The following GPHN variants were observed in gnomAD, a reference collection of about 807,000 sequenced individuals.
GPHN encodes the protein gephyrin.
In GPHN, 17 loss-of-function variants were observed where a neutral mutation model predicts 95.5. The ratio of observed to expected loss-of-function variants is 0.18; its 90% confidence interval spans 0.12 to 0.27. The LOEUF (loss-of-function observed/expected upper bound fraction) is 0.27. Among genes scored for constraint, GPHN ranks in the 10% least tolerant of loss-of-function variants. The pLI, the probability that GPHN is intolerant of heterozygous loss-of-function variation, is 1.00. For missense variants in GPHN, 660 were observed against 978.1 expected, an observed-to-expected ratio of 0.67 and a Z score of 4.34; for synonymous variants, 320 against 322.5, an observed-to-expected ratio of 0.99 and a Z score of 0.08.
chr14:66,512,380 C>T (rs2058072452), intron 1 of GPHN, among the ~76,000 whole-genome samples: 1 of 151,744 alleles, frequency 6.6e-6, no homozygotes, highest in South Asian at 2.1e-4. Context: ...AATGTAGAAT[C>T]ATATAGATTA....
Position 67,112,929 on chromosome 14 carries a change from A to G in GPHN, c.1473-89A>G, listed in dbSNP as rs2078461458. On this transcript the variant is annotated intron_variant, in intron 15 of 22. Coordinates refer to ENST00000478722, the MANE Select transcript of GPHN (RefSeq NM_020806.5). ...TTTCTAGACTTTTTTGTCTTCTTGA[A>G]TGTCCTTTTTTGACACTAAAGTTTC... 3.5e-6 allele frequency: 4 copies of G among 1,154,944 alleles called. No homozygotes were observed. In the Admixed American group the frequency reaches 7.0e-5, roughly 20 times the overall value. The allele number at this position is 1,154,944 out of a possible 1,614,324, so 71.5% of individuals were successfully genotyped here. A position where few individuals can be genotyped will look rare whatever the true frequency, so the allele number is the denominator to read the frequency against.
At chr14:66,520,646 T>C (rs776351586) in intron 1 of GPHN, among the ~76,000 whole-genome samples, 2 of 152,090 alleles carry the variant, frequency 1.3e-5, no homozygotes, top group African/African-American at 2.4e-5. Context: ...TGAGAAGTTA[T>C]AGTAATAGTT....
At chr14:67,310,451 G>A in the GPHN span, among the ~76,000 whole-genome samples, 1 of 152,168 alleles carries the variant, frequency 6.6e-6, no homozygotes, top group Non-Finnish European at 1.5e-5. Context: ...TATCCTTGGA[G>A]GGGATGGGAT....
chr14:67,106,207 T>C (rs2078032134), intron 13 of GPHN, among the ~76,000 whole-genome samples: 1 of 152,192 alleles, frequency 6.6e-6, no homozygotes, highest in African/African-American at 2.4e-5. Context: ...TTTCAGCACT[T>C]TGAAGATGTT....
intron 2 of GPHN, among the ~76,000 whole-genome samples, chr14:66,708,430 T>C (rs1334472066): frequency 6.6e-6 from 1 of 152,202 alleles, no homozygotes; most frequent in Non-Finnish European, 1.5e-5. Context: ...ATATGTGCTG[T>C]AGCTGAAAAT....
chr14:67,541,838 C>G, the GPHN span: 1 of 1,565,862 alleles, frequency 6.4e-7, no homozygotes, highest in East Asian at 2.3e-5. Flanking sequence ...TCTTAGGGCT[C>G]CCCAGAATAA....
intron 10 of GPHN, among the ~76,000 whole-genome samples, chr14:67,047,405 G>C (rs1386331594): frequency 4.6e-5 from 6 of 131,018 alleles, no homozygotes; most frequent in Admixed American, 1.7e-4. Context: ...TCACTCTGTT[G>C]CCCAGGCTGG....
intron 11 of GPHN, among the ~76,000 whole-genome samples, chr14:67,086,984 G>A (rs1026368283): frequency 2.1e-5 from 3 of 144,070 alleles, no homozygotes; most frequent in South Asian, 4.5e-4. Flanking sequence ...CTTGCAGTGA[G>A]CCGAGATCCC....
the GPHN span, among the ~76,000 whole-genome samples, chr14:67,480,092 C>CGTACATAT: frequency 6.6e-6 from 1 of 152,156 alleles, no homozygotes; most frequent in South Asian, 2.1e-4. Flanking sequence ...CGAATGAACT[C>CGTACATAT]GTACATATAC....
chr14:67,653,325 T>C, the GPHN span: 5 of 809,810 alleles, frequency 6.2e-6, no homozygotes, highest in African/African-American at 1.7e-5. Context: ...ATACAGGGAC[T>C]ATGCGTCAAC....
chr14:66,842,767 AGT>A, intron 4 of GPHN: 1 of 1,332,498 alleles, frequency 7.5e-7, no homozygotes, highest in African/African-American at 1.5e-5. Context: ...AATAATTTTT[AGT>A]GTTTTGGTTT....
At chr14:66,681,810 A>T (rs1223447240) in intron 2 of GPHN, among the ~76,000 whole-genome samples, 3 of 152,114 alleles carry the variant, frequency 2.0e-5, no homozygotes, top group Non-Finnish European at 4.4e-5. Flanking sequence ...TATGCATACT[A>T]TCTATGAACA....
At chr14:67,464,782 G>A in the GPHN span, among the ~76,000 whole-genome samples, 94 of 152,322 alleles carry the variant, frequency 6.2e-4, no homozygotes, top group East Asian at 6.2e-3. Context: ...ATTTTCGCAA[G>A]TTCTGTTCTC....
At chr14:67,100,746 T>TA in intron 12 of GPHN, 110 bp from the exon 13 acceptor site, 1 of 757,960 alleles carries the variant, frequency 1.3e-6, no homozygotes, top group Non-Finnish European at 2.4e-6. Flanking sequence ...TCCACTTCTC[T>TA]AAGCCTTATC....
At chr14:67,352,931 T>C in the GPHN span, 1 of 1,604,154 alleles carries the variant, frequency 6.2e-7, no homozygotes, top group Non-Finnish European at 8.5e-7. Context: ...ACCTCTATTA[T>C]CTTCTTTAGG....
intron 4 of GPHN, among the ~76,000 whole-genome samples, chr14:66,862,792 C>T (rs1255456519): frequency 5.9e-5 from 9 of 151,966 alleles, no homozygotes; most frequent in African/African-American, 7.2e-5. Flanking sequence ...TGATAAAAAT[C>T]CTCAAAAAAA....
At position 67,010,535 on chromosome 14, in the gene GPHN, G is replaced by C. The variant is rs1488349049; in HGVS notation, c.964-13098G>C. ...CCACTGCACTCTAGCCTGGGCAACA[G>C]AGCGAGACTCTGTCTCAGAAAAAAA... is the stretch of plus-strand genomic sequence containing the variant. On this transcript the variant is annotated intron_variant, in intron 9 of 22. Coordinates refer to ENST00000478722, the MANE Select transcript of GPHN (RefSeq NM_020806.5). Among the ~76,000 whole-genome samples the C allele has an allele frequency of 6.4e-5, 9 of 139,988 alleles. No homozygotes were observed. In the East Asian group the frequency reaches 1.7e-3, roughly 26 times the overall value. 91.8% of individuals were successfully genotyped at this position (139,988 alleles called of 152,430 possible).
chr14:67,069,709 A>G (rs1396649603), intron 11 of GPHN, among the ~76,000 whole-genome samples: 1 of 152,142 alleles, frequency 6.6e-6, no homozygotes, highest in Non-Finnish European at 1.5e-5. Context: ...AATTGGCTCA[A>G]CTCCATTTGT....
chr14:66,916,088 T>C lies in GPHN; in HGVS notation c.456+19T>C, dbSNP rs752123976. The C allele has an allele frequency of 4.0e-6, 6 of 1,505,490 alleles. No individual in the cohort carries two copies. The African/African-American group carries it at 5.5e-5, about 14-fold the overall frequency. 93.3% of individuals were successfully genotyped at this position (1,505,490 alleles called of 1,614,324 possible). ...ATCTCAGGTAAATCACCTGGACATA[T>C]TAATGGTTTAGTGTAAGAGCTTTTG... On this transcript the variant is annotated intron_variant, in intron 6 of 22. Coordinates refer to ENST00000478722, the MANE Select transcript of GPHN (RefSeq NM_020806.5).
Sources: gnomAD v4.1 joint callset for allele counts (sites outside exome capture counted in the v4.1 genomes callset) on GRCh38, gnomAD v4.1.1 for gene constraint, MANE v1.5 for transcripts, NCBI Gene and HGNC (gene_info 2026-07-23, HGNC 2026-07-21) for gene names.